The following SPAG16 variants were observed in gnomAD, a reference collection of about 807,000 sequenced individuals.
SPAG16 encodes the protein sperm-associated antigen 16 protein.
Under a neutral mutation model 80.4 loss-of-function variants are expected in SPAG16, and 86 were observed. That is an observed-to-expected ratio of 1.07 (90% CI 0.90 to 1.28). The LOEUF (loss-of-function observed/expected upper bound fraction) is 1.28, where lower values mean the gene tolerates loss of function less well. SPAG16 is among the 50% of genes most tolerant of loss of function. The pLI is 0.00. For synonymous variants in SPAG16, 294 were observed against 265.9 expected, an observed-to-expected ratio of 1.11 and a Z score of -1.03; for missense variants, 870 against 765.3, an observed-to-expected ratio of 1.14 and a Z score of -1.61.
intron 15 of SPAG16, among the ~76,000 whole-genome samples, chr2:214,310,466 C>A (rs1280710378): frequency 6.6e-6 from 1 of 151,794 alleles, no homozygotes; most frequent in Non-Finnish European, 1.5e-5. Context: ...CTTCTGTCAG[C>A]CACTTTTTGT....
At chr2:213,618,369 A>G (rs2061666298) in intron 10 of SPAG16, among the ~76,000 whole-genome samples, 1 of 152,172 alleles carries the variant, frequency 6.6e-6, no homozygotes, top group Non-Finnish European at 1.5e-5. Flanking sequence ...TTTCCTTCAT[A>G]GCAGTCATTA....
chr2:213,423,566 C>A (rs2069730275), intron 9 of SPAG16, among the ~76,000 whole-genome samples: 1 of 152,066 alleles, frequency 6.6e-6, no homozygotes, highest in Non-Finnish European at 1.5e-5. Context: ...AAATCTGCTG[C>A]CTTTGGTTGT....
chr2:214,074,150 A>G (rs1436223585), intron 13 of SPAG16, among the ~76,000 whole-genome samples: 1 of 152,156 alleles, frequency 6.6e-6, no homozygotes, highest in East Asian at 1.9e-4. Context: ...GCTATGTGTG[A>G]TCCAGAAGAG....
At chr2:213,966,912 A>G (rs2044739796) in intron 12 of SPAG16, among the ~76,000 whole-genome samples, 1 of 152,166 alleles carries the variant, frequency 6.6e-6, no homozygotes. Context: ...GATGAAATTC[A>G]CACCTAGGCA....
At chr2:214,296,598 G>A (rs1694152505) in intron 15 of SPAG16, among the ~76,000 whole-genome samples, 1 of 152,164 alleles carries the variant, frequency 6.6e-6, no homozygotes, top group South Asian at 2.1e-4. Flanking sequence ...GGTGTGATGT[G>A]TTATCTTATT....
chr2:213,838,782 C>CGT (rs1402725324), intron 10 of SPAG16, among the ~76,000 whole-genome samples: 1 of 152,148 alleles, frequency 6.6e-6, no homozygotes, highest in African/African-American at 2.4e-5. Context: ...TTTCTTATGC[C>CGT]AGCTACAACA....
chr2:214,108,788 T>C (rs962206375), intron 14 of SPAG16, among the ~76,000 whole-genome samples: 7 of 152,162 alleles, frequency 4.6e-5, no homozygotes, highest in Non-Finnish European at 8.8e-5. Context: ...TCCTTCTTCA[T>C]AAAAACTGAT....
Position 213,346,958 on chromosome 2 carries a change from T to C in SPAG16, c.645-3570T>C, listed in dbSNP as rs544518114. Among the ~76,000 whole-genome samples, 4 of 152,332 alleles carry C rather than the reference T, an allele frequency of 2.6e-5. No homozygotes were observed. The South Asian group carries it at 8.3e-4, about 32-fold the overall frequency. ...TTGATTGGAATAGTTTTAGAAGGAA[T>C]GGTACCAGCTCCTCCTTGTACCTCT... On this transcript the variant is annotated intron_variant, in intron 6 of 15. Coordinates refer to ENST00000331683, the MANE Select transcript of SPAG16 (RefSeq NM_024532.5).
intron 10 of SPAG16, among the ~76,000 whole-genome samples, chr2:213,492,361 T>C (rs773216072): frequency 2.9e-4 from 44 of 152,110 alleles, no homozygotes; most frequent in Non-Finnish European, 5.0e-4. Flanking sequence ...CCATCCTGGC[T>C]AACACAGTGA....
intron 10 of SPAG16, among the ~76,000 whole-genome samples, chr2:213,761,643 C>T (rs111634503): frequency 0.024 from 3,633 of 152,112 alleles, 144 homozygotes; most frequent in African/African-American, 0.082. Context: ...AGGTGGATCA[C>T]GAGATCAGGA....
At chr2:213,953,940 G>A (rs1034395835) in intron 12 of SPAG16, among the ~76,000 whole-genome samples, 2 of 151,996 alleles carry the variant, frequency 1.3e-5, no homozygotes, top group African/African-American at 2.4e-5. Flanking sequence ...CTAAATGAAT[G>A]TTGTCAGGAA....
intron 12 of SPAG16, among the ~76,000 whole-genome samples, chr2:213,961,173 T>A (rs984654873): frequency 6.6e-6 from 1 of 152,190 alleles, no homozygotes; most frequent in Non-Finnish European, 1.5e-5. Context: ...GTTGTTTAGG[T>A]GGGAAGAAAG....
At chr2:213,716,826 T>G (rs1332146882) in intron 10 of SPAG16, among the ~76,000 whole-genome samples, 2 of 152,198 alleles carry the variant, frequency 1.3e-5, no homozygotes, top group Non-Finnish European at 2.9e-5. Flanking sequence ...AGAATTAAAA[T>G]GTATTGACAA....
At chr2:213,972,744 C>T (rs1205008727) in intron 12 of SPAG16, among the ~76,000 whole-genome samples, 1 of 152,046 alleles carries the variant, frequency 6.6e-6, no homozygotes, top group Admixed American at 6.6e-5. Flanking sequence ...TTTTAATTTG[C>T]TTTTTGTCTT....
chr2:213,610,672 G>A (rs1234967949), intron 10 of SPAG16, among the ~76,000 whole-genome samples: 1 of 152,088 alleles, frequency 6.6e-6, no homozygotes, highest in Admixed American at 6.6e-5. Flanking sequence ...AAAAAGTAAA[G>A]TGGTGAAAGT....
At chr2:214,396,901 TAAA>T (rs1018302589) in intron 15 of SPAG16, among the ~76,000 whole-genome samples, 1 of 151,838 alleles carries the variant, frequency 6.6e-6, no homozygotes, top group Non-Finnish European at 1.5e-5. Flanking sequence ...AAATAGCCCT[TAAA>T]AAAAGCACTT....
chr2:214,358,079 A>G (rs1441157193), intron 15 of SPAG16, among the ~76,000 whole-genome samples: 1 of 151,880 alleles, frequency 6.6e-6, no homozygotes. Context: ...GTTTTTCTCC[A>G]ATTTACTCAA....
chr2:213,574,017 A>T (rs539943070), intron 10 of SPAG16, among the ~76,000 whole-genome samples: 23 of 152,328 alleles, frequency 1.5e-4, no homozygotes, highest in African/African-American at 5.3e-4. Context: ...TTGTCAGGTG[A>T]TGCCTAAGCT....
At chr2:213,787,896 A>T (rs1366421079) in intron 10 of SPAG16, among the ~76,000 whole-genome samples, 1 of 152,082 alleles carries the variant, frequency 6.6e-6, no homozygotes, top group African/African-American at 2.4e-5. Flanking sequence ...ACAAAAATTT[A>T]TCGTGAAAAC....
Sources: gnomAD v4.1 joint callset for allele counts (sites outside exome capture counted in the v4.1 genomes callset) on GRCh38, gnomAD v4.1.1 for gene constraint, MANE v1.5 for transcripts, NCBI Gene and HGNC (gene_info 2026-07-23, HGNC 2026-07-21) for gene names.